Variants in ESYT1 observed in about 807,000 individuals in gnomAD.
ESYT1 encodes the protein extended synaptotagmin-1.
Under a neutral mutation model 154.2 loss-of-function variants are expected in ESYT1, and 116 were observed. That is an observed-to-expected ratio of 0.75 (90% CI 0.65 to 0.88). The LOEUF (loss-of-function observed/expected upper bound fraction) is 0.88. Ranked by LOEUF, ESYT1 falls within the 40% of genes least tolerant of loss-of-function variation. ESYT1 has a pLI of 0.00. For synonymous variants in ESYT1, 500 were observed against 539.9 expected (o/e 0.93, Z 1.02); for missense variants, 1,264 against 1,379.3 (o/e 0.92, Z 1.32).
At chr12:56,131,625 G>T in intron 6 of ESYT1, 59 bp downstream of exon 6, 4 of 1,605,256 alleles carry the variant, frequency 2.5e-6, no homozygotes, top group Non-Finnish European at 3.4e-6. Flanking sequence ...CTGGGAGGAT[G>T]AGGGCAGCCA....
chr12:56,133,445 C>G lies in ESYT1; in HGVS notation c.1273C>G (p.Gln425Glu), dbSNP rs139487802. Residue 425 changes from glutamine to glutamate, a missense_variant, in exon 11 of 31, where the codon CAG becomes GAG. Gln to Glu is a conservative substitution (Grantham distance 29, BLOSUM62 2). Transcript: ENST00000394048. ...RMKLDVGKVLQASVLDDWFPL... is the reference protein window; with the variant it reads ...RMKLDVGKVLEASVLDDWFPL... ...GAAGCTGGATGTAGGGAAGGTGTTACAGGCTAGCGTTCTGGATGATGTAAG... is the reference window on the plus strand; with the variant it reads ...GAAGCTGGATGTAGGGAAGGTGTTAGAGGCTAGCGTTCTGGATGATGTAAG... 1 of 1,614,238 alleles carries G rather than the reference C, an allele frequency of 6.2e-7. No individual in the cohort carries two copies. Among genetic ancestry groups the G allele is most frequent in the South Asian group, 1.1e-5 (1 of 91,088 alleles).
Position 56,131,145 on chromosome 12 carries a change from C to T in ESYT1, c.641+32C>T, listed in dbSNP as rs564099067. The T allele has an allele frequency of 8.9e-5, 143 of 1,613,648 alleles. 3 individuals carry two copies. The South Asian group carries it at 1.5e-3, about 17-fold the overall frequency. On this transcript the variant is annotated intron_variant, in intron 4 of 30. Transcript: ENST00000394048. ...CCACTCACCACTCTTACTGCTTCCC[C>T]TTCAATGTGTCCTGTTCAGTCCAGG...
chr12:56,136,060 CAAAAA>C (rs72370981), intron 15 of ESYT1, among the ~76,000 whole-genome samples: 1 of 45,754 alleles, frequency 2.2e-5, no homozygotes, highest in Admixed American at 2.2e-4. Flanking sequence ...ACTCTGTCTC[CAAAAA>C]AAAAAAAAAA....
At position 56,143,122 on chromosome 12, in the gene ESYT1, G is replaced by A. The variant is rs755236730; in HGVS notation, c.3093G>A (p.Arg1031=). The change falls in exon 28 of 31, where the codon AGG becomes AGA. Residue 1031 remains arginine, a synonymous_variant. Coordinates refer to ENST00000394048, the MANE Select transcript of ESYT1 (RefSeq NM_015292.3). ...AGAGGAGGACCTCACAGAAGAAGAG[G>A]ACCCTGAGTCCTGAATTTAATGAAC... is the stretch of plus-strand genomic sequence containing the variant. ...GTKRRTSQKK[R]TLSPEFNERF... The A allele has an allele frequency of 1.9e-6, 3 of 1,614,140 alleles. No individual in the cohort carries two copies. Among genetic ancestry groups the A allele is most frequent in the Non-Finnish European group, 2.5e-6 (3 of 1,180,024 alleles).
chr12:56,131,412 A>C, intron 5 of ESYT1, 65 bp from the exon 6 acceptor site: 1 of 1,610,048 alleles, frequency 6.2e-7, no homozygotes, highest in Admixed American at 1.7e-5. Context: ...AAGGCTGAGA[A>C]AGTCTGGGAG....
In ESYT1 at chr12:56,131,567, G is replaced by A. The variant is rs1390762141; in HGVS notation, c.804+1G>A. The A allele has an allele frequency of 6.2e-7, 1 of 1,613,870 alleles. No homozygotes were observed. The highest frequency in any genetic ancestry group is 2.2e-5 in the East Asian group (1 of 44,902). ...GTCAATGTTCTTCATCCGACGCCCGGTAAGGGAAAACAATGAAGGGGTATG... is the reference window on the plus strand; with the variant it reads ...GTCAATGTTCTTCATCCGACGCCCGATAAGGGAAAACAATGAAGGGGTATG... On this transcript the variant is annotated splice_donor_variant, in intron 6 of 30. Coordinates refer to ENST00000394048, the MANE Select transcript of ESYT1 (RefSeq NM_015292.3). LOFTEE classifies it high-confidence loss of function.
rs1317090083 is a variant in ESYT1, at chr12:56,138,286, C to A, written c.2337+14C>A. On this transcript the variant is annotated intron_variant, in intron 21 of 30. Coordinates refer to ENST00000394048, the MANE Select transcript of ESYT1 (RefSeq NM_015292.3). The stretch of plus-strand genomic sequence containing the variant: ...GAGTTAGAGGAGGTAGGGCAGGAGA[C>A]TTGAGGAAGGAAGGGACCCAAGGTG... The A allele has an allele frequency of 1.9e-6, 3 of 1,614,102 alleles. No homozygotes were observed. Among genetic ancestry groups the A allele is most frequent in the Admixed American group, 3.3e-5 (2 of 60,016 alleles).
Position 56,142,508 on chromosome 12 carries a change from C to G in ESYT1, c.2734-70C>G, listed in dbSNP as rs1371313357. ...TGAGGGACACCCAGGAGGGTGGGAA[C>G]AGAGGGCCGTGTCCTTAGAGTGAGG... is the stretch of plus-strand genomic sequence containing the variant. On this transcript the variant is annotated intron_variant, in intron 25 of 30. Transcript: ENST00000394048. The surrounding 1 kb of genome is among the most constrained non-coding windows in gnomAD (Gnocchi z 4.1). The G allele has an allele frequency of 9.9e-6, 16 of 1,609,986 alleles. No homozygotes were observed. Among genetic ancestry groups the G allele is most frequent in the Non-Finnish European group, 1.4e-5 (16 of 1,177,228 alleles).
Position 56,143,337 on chromosome 12 carries a change from AGAGGGCAG to A in ESYT1, c.3225+7_3225+14del, listed in dbSNP as rs774945801. 17 of 1,613,592 alleles carry A rather than the reference AGAGGGCAG, an allele frequency of 1.1e-5. No homozygotes were observed. The African/African-American group carries it at 2.3e-4, about 22-fold the overall frequency. Reference sequence around the variant, plus strand: ...AGAGCGTGAGCTGCTGGGGAAGGTAAGAGGGCAGGATGGCAGGGCAGAGGTGAGGGCTG... The same window carrying A: ...AGAGCGTGAGCTGCTGGGGAAGGTAAGATGGCAGGGCAGAGGTGAGGGCTG... On this transcript the variant is annotated splice_donor_5th_base_variant and intron_variant, in intron 29 of 30. Coordinates refer to ENST00000394048, the MANE Select transcript of ESYT1 (RefSeq NM_015292.3).
intron 15 of ESYT1, among the ~76,000 whole-genome samples, chr12:56,135,034 A>G (rs2136875392): frequency 6.6e-6 from 1 of 152,062 alleles, no homozygotes; most frequent in South Asian, 2.1e-4. Context: ...AATGTTAACA[A>G]TTTTATTGAG....
In ESYT1 at chr12:56,131,591, TG is replaced by T. The variant is rs777161280; in HGVS notation, c.804+29del. The T allele has an allele frequency of 5.0e-6, 8 of 1,612,458 alleles. No individual in the cohort carries two copies. The South Asian group carries it at 8.8e-5, about 18-fold the overall frequency. ...GGTAAGGGAAAACAATGAAGGGGTATGGGGAAGCAGGAGAAACAGAGGACTG... is the reference window on the plus strand; with the variant it reads ...GGTAAGGGAAAACAATGAAGGGGTATGGGAAGCAGGAGAAACAGAGGACTG... On this transcript the variant is annotated intron_variant, in intron 6 of 30. Transcript: ENST00000394048.
intron 4 of ESYT1, 22 bp downstream of exon 4, chr12:56,131,135 A>C: frequency 3.1e-6 from 5 of 1,613,798 alleles, no homozygotes; most frequent in Non-Finnish European, 4.2e-6. Flanking sequence ...CACCACTCTT[A>C]CTGCTTCCCC....
rs1400873125 is a variant in ESYT1 at position 56,133,773 on chromosome 12, C to A, written c.1381-8C>A. 6.2e-7 allele frequency: 1 copy of A among 1,613,892 alleles called. No individual in the cohort carries two copies. Among genetic ancestry groups the A allele is most frequent in the Non-Finnish European group, 8.5e-7 (1 of 1,179,918 alleles). On this transcript the variant is annotated splice_polypyrimidine_tract_variant and splice_region_variant and intron_variant, in intron 12 of 30. Coordinates refer to ENST00000394048, the MANE Select transcript of ESYT1 (RefSeq NM_015292.3). ...GACCAAGATCTGACTACTACCACCCCTCCCCAGGTTCTACAGTGGAATTGG... is the reference window on the plus strand; with the variant it reads ...GACCAAGATCTGACTACTACCACCCATCCCCAGGTTCTACAGTGGAATTGG...
At chr12:56,134,036 C>G in intron 13 of ESYT1, 74 bp from the exon 14 acceptor site, 1 of 1,579,120 alleles carries the variant, frequency 6.3e-7, no homozygotes, top group East Asian at 2.3e-5. Flanking sequence ...GATTCTGATG[C>G]GATCCCACCT....
intron 24 of ESYT1, among the ~76,000 whole-genome samples, chr12:56,141,602 T>G (rs1022022039): frequency 1.3e-5 from 2 of 152,108 alleles, no homozygotes; most frequent in Admixed American, 1.3e-4. Context: ...TAGCCGGGTG[T>G]GGTGGCGGAC....
At position 56,128,532 on chromosome 12, in the gene ESYT1, C is replaced by T; in HGVS notation, c.213C>T (p.Ala71=). 1 of 1,612,986 alleles carries T rather than the reference C, an allele frequency of 6.2e-7. No individual in the cohort carries two copies. Among genetic ancestry groups the T allele is most frequent in the African/African-American group, 1.3e-5 (1 of 75,052 alleles). The part of the protein sequence containing the change: ...RLLVLIPVYL[A]GAVGLSVGFV... ...TGGTGCTGATACCTGTGTATTTGGC[C>T]GGGGCAGTGGGACTCAGCGTGGGTT... is the stretch of plus-strand genomic sequence containing the variant. The change falls in exon 1 of 31, where the codon GCC becomes GCT. Residue 71 remains alanine, a synonymous_variant. Transcript: ENST00000394048.
At position 56,142,664 on chromosome 12, in the gene ESYT1, C is replaced by T. The variant is rs758858635; in HGVS notation, c.2820C>T (p.Leu940=). The change falls in exon 26 of 31, where the codon CTC becomes CTT. Residue 940 remains leucine, a synonymous_variant. Transcript: ENST00000394048. The surrounding 1 kb of genome is among the most constrained non-coding windows in gnomAD (Gnocchi z 4.1). ...SSSSLSEEPE[L]SGGPPHITSS... ...CATCGCTGAGTGAAGAACCAGAGCT[C>T]TCGGGGGGACCCCCTCACATCACCT... 1 of 1,614,134 alleles carries T rather than the reference C, an allele frequency of 6.2e-7. No homozygotes were observed. Among genetic ancestry groups the T allele is most frequent in the Non-Finnish European group, 8.5e-7 (1 of 1,180,036 alleles).
rs1212412583 is a variant in ESYT1 at position 56,132,773 on chromosome 12, G to A, written c.1216G>A (p.Asp406Asn). Residue 406 changes from aspartate to asparagine, a missense_variant, in exon 10 of 31, where the codon GAT (aspartate) becomes AAT (asparagine). By Grantham distance (23) the Asp-to-Asn change is conservative. Coordinates refer to ENST00000394048, the MANE Select transcript of ESYT1 (RefSeq NM_015292.3). ...GATTGAAGTGGAGGTGTTCGACAAG[G>A]ATCCAGATAAAGATGACTTTCTGGG... ...QEIEVEVFDK[D>N]PDKDDFLGRM... is the part of the protein sequence containing the mutation. The A allele has an allele frequency of 6.2e-7, 1 of 1,614,136 alleles. No homozygotes were observed. Among genetic ancestry groups the A allele is most frequent in the Non-Finnish European group, 8.5e-7 (1 of 1,180,010 alleles).
intron 1 of ESYT1, chr12:56,129,342 G>A (rs777600234): frequency 3.1e-5 from 5 of 159,422 alleles, no homozygotes; most frequent in Admixed American, 5.8e-5. Context: ...TGCCCGCGGC[G>A]CACACTCCCC....
Sources: gnomAD v4.1 joint callset for allele counts (sites outside exome capture counted in the v4.1 genomes callset) on GRCh38, gnomAD v4.1.1 for gene constraint, Gnocchi (gnomAD v3.1) non-coding constraint, MANE v1.5 for transcripts, NCBI Gene and HGNC (gene_info 2026-07-23, HGNC 2026-07-21) for gene names.